The following TOB2 variants were observed in gnomAD, a reference collection of about 807,000 sequenced individuals.
The protein encoded by TOB2 is protein Tob2.
In TOB2, 3 loss-of-function variants were observed where a neutral mutation model predicts 17.3. The ratio of observed to expected loss-of-function variants is 0.17; its 90% CI spans 0.08 to 0.45. TOB2 has a LOEUF of 0.45. Among genes scored for constraint, TOB2 ranks in the 20% least tolerant of loss-of-function variants. The pLI is 0.99. For missense variants in TOB2, 407 were observed against 445.7 expected (o/e 0.91, Z 0.78); for synonymous variants, 163 against 185.6 (o/e 0.88, Z 0.99).
intron 1 of TOB2, among the ~76,000 whole-genome samples, chr22:41,442,094 C>CA (rs34651461): frequency 0.5 from 52,958 of 105,568 alleles, 11,324 homozygotes; most frequent in Non-Finnish European, 0.57. Flanking sequence ...AATTCTGCCT[C>CA]AAAAAAAAAA....
intron 1 of TOB2, among the ~76,000 whole-genome samples, chr22:41,442,406 A>G (rs1409771020): frequency 6.6e-6 from 1 of 152,226 alleles, no homozygotes. Flanking sequence ...GGCCAAAGTC[A>G]TTGGGAAATA....
chr22:41,441,399 C>T (rs5758351), intron 1 of TOB2, among the ~76,000 whole-genome samples: 10,779 of 151,914 alleles, frequency 0.071, 1,185 homozygotes, highest in East Asian at 0.47. Flanking sequence ...TACAAAACTA[C>T]CCACCAGAAC....
Position 41,436,533 on chromosome 22 carries a change from G to C in TOB2, c.813C>G (p.Phe271Leu), listed in dbSNP as rs2146027943. The change falls in exon 2 of 2, where the codon TTC becomes TTG. Residue 271 changes from phenylalanine to leucine, a missense_variant. Transcript: ENST00000327492. This position sits in a 1 kb window ranked among gnomAD's most constrained non-coding sequence, Gnocchi z 4.8. Reference sequence around the variant, plus strand: ...TGCCCTGGCCATCGGCCGCATCAAAGAAGAGGCTGGGTGAGCCACCACCGT... The same window carrying C: ...TGCCCTGGCCATCGGCCGCATCAAACAAGAGGCTGGGTGAGCCACCACCGT... ...VYNGGGSPSL[F>L]FDAADGQGSG... 1 of 1,611,292 alleles carries C rather than the reference G, an allele frequency of 6.2e-7. No homozygotes were observed. The highest frequency in any genetic ancestry group is 1.1e-5 in the South Asian group (1 of 90,832).
At position 41,436,357 on chromosome 22, in the gene TOB2, A is replaced by G. The variant is rs2037547012; in HGVS notation, c.989T>C (p.Met330Thr). Residue 330 changes from methionine (M) to threonine (T), a missense_variant, in exon 2 of 2, where the codon ATG (methionine) becomes ACG (threonine). Coordinates refer to ENST00000327492, the MANE Select transcript of TOB2 (RefSeq NM_016272.4). This position sits in a 1 kb window ranked among gnomAD's most constrained non-coding sequence, Gnocchi z 4.8. ...VEGLSYNLNT[M>T]QYPSQQFQPV... ...CTGGAACTGCTGGCTGGGATACTGC[A>G]TGGTGTTCAGGTTGTAGCTGAGGCC... 1.9e-6 allele frequency: 3 copies of G among 1,607,698 alleles called. No homozygotes were observed. Among genetic ancestry groups the G allele is most frequent in the Non-Finnish European group, 2.5e-6 (3 of 1,176,796 alleles).
In TOB2 at chr22:41,437,208, AG is replaced by A; in HGVS notation, c.137del (p.Pro46LeufsTer5). ...AGCCAGAGCCTTTCAGTGGCTTCTC[AG>A]GGTACCAGTGGCCTTCATATTTCTT... ...LKKKYEGHWY[P>X]EKPLKGSGFR... On this transcript the variant is annotated frameshift_variant, in exon 2 of 2. Coordinates refer to ENST00000327492, the MANE Select transcript of TOB2 (RefSeq NM_016272.4). LOFTEE classifies it high-confidence loss of function. 1 of 1,614,044 alleles carries A rather than the reference AG, an allele frequency of 6.2e-7. No individual in the cohort carries two copies. The highest frequency in any genetic ancestry group is 8.5e-7 in the Non-Finnish European group (1 of 1,179,998).
chr22:41,445,491 T>G (rs902768247), intron 1 of TOB2, among the ~76,000 whole-genome samples: 3 of 152,220 alleles, frequency 2.0e-5, no homozygotes, highest in South Asian at 2.1e-4. Flanking sequence ...AAAGACCGTT[T>G]AGATACGGAG....
intron 1 of TOB2, among the ~76,000 whole-genome samples, chr22:41,438,630 C>CAAAAAAAAAAAA (rs749494672): frequency 0.024 from 305 of 12,682 alleles, 75 homozygotes; most frequent in Non-Finnish European, 0.034. Context: ...AACTCTGTCT[C>CAAAAAAAAAAAA]AAAAAAAAAA....
chr22:41,442,436 C>T (rs1038807114), intron 1 of TOB2, among the ~76,000 whole-genome samples: 7 of 152,186 alleles, frequency 4.6e-5, no homozygotes, highest in Non-Finnish European at 8.8e-5. Flanking sequence ...CCCCAAAATA[C>T]AATAGAACCA....
At chr22:41,443,886 A>G (rs1224446055) in intron 1 of TOB2, among the ~76,000 whole-genome samples, 4 of 152,104 alleles carry the variant, frequency 2.6e-5, no homozygotes, top group African/African-American at 9.7e-5. Flanking sequence ...TCAGCCTCCC[A>G]AAGTGCTGGG....
chr22:41,435,330 C>T lies in TOB2; in HGVS notation c.*981G>A, dbSNP rs1362108731. 2.0e-5 allele frequency: 3 copies of T among 152,266 alleles called. No individual in the cohort carries two copies. The highest frequency in any genetic ancestry group is 4.4e-5 in the Non-Finnish European group (3 of 68,082). 9.4% of individuals were successfully genotyped at this position (152,266 alleles called of 1,614,324 possible). A position where few individuals can be genotyped will look rare whatever the true frequency, so the allele number is the denominator to read the frequency against. On this transcript the variant is annotated 3_prime_UTR_variant, in exon 2 of 2. Transcript: ENST00000327492. ...GCTAAGCCACAGCGGTGTCACCCCA[C>T]CACACACACTGCCCTGCAAAAGGAC...
chr22:41,442,532 G>T (rs1385896951), intron 1 of TOB2, among the ~76,000 whole-genome samples: 1 of 152,186 alleles, frequency 6.6e-6, no homozygotes, highest in East Asian at 1.9e-4. Flanking sequence ...TGATGTTGCC[G>T]CACAAATAAG....
At chr22:41,437,639 TA>T (rs1204855751) in intron 1 of TOB2, among the ~76,000 whole-genome samples, 1 of 152,010 alleles carries the variant, frequency 6.6e-6, no homozygotes, top group Non-Finnish European at 1.5e-5. Context: ...ACCTGGCAAT[TA>T]AAAGGTAATT....
rs1245982129 is a variant in TOB2, at chr22:41,433,919, TAA to T, written c.*2390_*2391del. On this transcript the variant is annotated 3_prime_UTR_variant, in exon 2 of 2. Transcript: ENST00000327492. The stretch of plus-strand genomic sequence containing the variant: ...GGTTTTATTTCTCCTCTTTTTTTTT[TAA>T]AGTTTGTTTTTCCTGAAAAAATATG... 4.2e-6 allele frequency: 1 copy of T among 238,056 alleles called. No individual in the cohort carries two copies. 14.7% of individuals were successfully genotyped at this position (238,056 alleles called of 1,614,324 possible). A position where few individuals can be genotyped will look rare whatever the true frequency, so the allele number is the denominator to read the frequency against.
chr22:41,433,731 C>T lies in TOB2; in HGVS notation c.*2580G>A, dbSNP rs906729499. ...CTCCTCTCCAGGCTTGCCTCAATGC[C>T]CCCTTCCCATCCCTAGGGAGAAAAC... On this transcript the variant is annotated 3_prime_UTR_variant, in exon 2 of 2. Coordinates refer to ENST00000327492, the MANE Select transcript of TOB2 (RefSeq NM_016272.4). The T allele has an allele frequency of 2.0e-6, 1 of 501,290 alleles. No individual in the cohort carries two copies. 31.1% of individuals were successfully genotyped at this position (501,290 alleles called of 1,614,324 possible).
chr22:41,442,106 A>AC (rs896503802), intron 1 of TOB2, among the ~76,000 whole-genome samples: 1 of 151,664 alleles, frequency 6.6e-6, no homozygotes, highest in African/African-American at 2.4e-5. Context: ...AAAAAAAAAA[A>AC]AAAAGAAAAA....
At chr22:41,438,960 G>A (rs1024304767) in intron 1 of TOB2, among the ~76,000 whole-genome samples, 1 of 152,120 alleles carries the variant, frequency 6.6e-6, no homozygotes, top group Non-Finnish European at 1.5e-5. Context: ...GAGATCCCCG[G>A]AGAGAAGGCA....
At chr22:41,442,378 G>A (rs1444399813) in intron 1 of TOB2, among the ~76,000 whole-genome samples, 1 of 152,134 alleles carries the variant, frequency 6.6e-6, no homozygotes, top group East Asian at 1.9e-4. Context: ...GCCTCAAAAT[G>A]AGAGCATTTT....
At chr22:41,443,682 G>A (rs1387260336) in intron 1 of TOB2, among the ~76,000 whole-genome samples, 3 of 141,540 alleles carry the variant, frequency 2.1e-5, no homozygotes, top group Non-Finnish European at 4.5e-5. Flanking sequence ...GGAGTGCAAT[G>A]GCGCGATCTC....
intron 1 of TOB2, among the ~76,000 whole-genome samples, chr22:41,443,465 A>C (rs1285714859): frequency 6.6e-6 from 1 of 151,548 alleles, no homozygotes; most frequent in African/African-American, 2.4e-5. Flanking sequence ...GATTATAGGC[A>C]CGCGGGACCA....
Sources: allele counts gnomAD v4.1 joint callset (sites outside exome capture counted in the v4.1 genomes callset), GRCh38; gene constraint gnomAD v4.1.1; non-coding constraint Gnocchi (gnomAD v3.1); transcripts MANE v1.5; gene names NCBI Gene and HGNC (gene_info 2026-07-23, HGNC 2026-07-21).